CCBE1: variants seen among roughly 807,000 people sequenced by gnomAD.
CCBE1 encodes collagen and calcium binding EGF domains 1.
A neutral mutation model predicts 50.0 loss-of-function variants in CCBE1; 37 were observed. That is an observed-to-expected ratio of 0.74 (90% CI 0.57 to 0.97). CCBE1 has a LOEUF of 0.97. Ranked by LOEUF, CCBE1 falls within the 50% of genes least tolerant of loss-of-function variation. CCBE1 has a pLI of 0.00. For synonymous variants in CCBE1, 234 were observed against 203.7 expected, an observed-to-expected ratio of 1.15 and a Z score of -1.27; for missense variants, 538 against 523.8, an observed-to-expected ratio of 1.03 and a Z score of -0.26.
intron 2 of CCBE1, among the ~76,000 whole-genome samples, chr18:59,570,107 A>T (rs1342010941): frequency 6.6e-6 from 1 of 152,240 alleles, no homozygotes; most frequent in African/African-American, 2.4e-5. Context: ...ATTGTTTTAG[A>T]TGTGGTGAGA....
intron 2 of CCBE1, among the ~76,000 whole-genome samples, chr18:59,552,211 A>C (rs1915954012): frequency 6.6e-6 from 1 of 152,218 alleles, no homozygotes; most frequent in African/African-American, 2.4e-5. Flanking sequence ...CCTGGACCTC[A>C]CACAACATCG....
chr18:59,678,216 G>T (rs1173549289), intron 2 of CCBE1, among the ~76,000 whole-genome samples: 1 of 152,200 alleles, frequency 6.6e-6, no homozygotes, highest in South Asian at 2.1e-4. Context: ...GTTTCTTACA[G>T]CGATGGAGGC....
At chr18:59,611,758 A>G (rs2053572087) in intron 2 of CCBE1, among the ~76,000 whole-genome samples, 1 of 151,088 alleles carries the variant, frequency 6.6e-6, no homozygotes, top group South Asian at 2.1e-4. Flanking sequence ...AAAAAAAAAT[A>G]AAAAAAGGAA....
At chr18:59,446,309 T>C (rs969930645) in intron 7 of CCBE1, among the ~76,000 whole-genome samples, 1 of 152,204 alleles carries the variant, frequency 6.6e-6, no homozygotes, top group African/African-American at 2.4e-5. Flanking sequence ...TAGTGATCTA[T>C]AGCCTGGAGT....
At chr18:59,561,799 C>T (rs1568207355) in intron 2 of CCBE1, among the ~76,000 whole-genome samples, 1 of 152,168 alleles carries the variant, frequency 6.6e-6, no homozygotes, top group Non-Finnish European at 1.5e-5. Context: ...CAAGGGAGAG[C>T]CGGCTGTGCA....
At chr18:59,639,822 A>G (rs1032717423) in intron 2 of CCBE1, among the ~76,000 whole-genome samples, 2 of 152,222 alleles carry the variant, frequency 1.3e-5, no homozygotes, top group African/African-American at 4.8e-5. Flanking sequence ...ATGTATGAAA[A>G]TCAGTAGCGT....
chr18:59,600,985 G>T (rs1209365799), intron 2 of CCBE1, among the ~76,000 whole-genome samples: 1 of 132,748 alleles, frequency 7.5e-6, no homozygotes, highest in Non-Finnish European at 1.6e-5. Context: ...TATGGATAGG[G>T]ATCTATTTTA....
chr18:59,545,883 TG>T (rs1261126017), intron 2 of CCBE1, among the ~76,000 whole-genome samples: 1 of 152,266 alleles, frequency 6.6e-6, no homozygotes, highest in Non-Finnish European at 1.5e-5. Context: ...CCCAGCCATG[TG>T]GAACTGTAAG....
intron 2 of CCBE1, among the ~76,000 whole-genome samples, chr18:59,518,346 G>A (rs117301396): frequency 8.0e-4 from 122 of 152,216 alleles, no homozygotes; most frequent in Non-Finnish European, 1.5e-3. Flanking sequence ...AAAATTAGCC[G>A]GGTGTGACGA....
At chr18:59,633,380 G>C (rs1001125159) in intron 2 of CCBE1, among the ~76,000 whole-genome samples, 6 of 152,184 alleles carry the variant, frequency 3.9e-5, no homozygotes, top group African/African-American at 1.4e-4. Flanking sequence ...ACTGCTCTGA[G>C]AATCACTGCA....
intron 2 of CCBE1, among the ~76,000 whole-genome samples, chr18:59,506,091 T>C (rs1014264522): frequency 6.6e-6 from 1 of 152,124 alleles, no homozygotes; most frequent in African/African-American, 2.4e-5. Flanking sequence ...AAGATGTAAA[T>C]AAGAATTGGG....
intron 2 of CCBE1, among the ~76,000 whole-genome samples, chr18:59,609,261 G>A (rs2053541239): frequency 6.6e-6 from 1 of 152,120 alleles, no homozygotes; most frequent in Admixed American, 6.5e-5. Flanking sequence ...ATATTCCAGT[G>A]ACTCTCAAAA....
chr18:59,568,920 C>T (rs532996960), intron 2 of CCBE1, among the ~76,000 whole-genome samples: 2 of 152,330 alleles, frequency 1.3e-5, no homozygotes, highest in Non-Finnish European at 1.5e-5. Flanking sequence ...ATCTTGCCAA[C>T]TAAACCTCCC....
At chr18:59,625,471 A>T (rs987605076) in intron 2 of CCBE1, among the ~76,000 whole-genome samples, 3 of 150,594 alleles carry the variant, frequency 2.0e-5, no homozygotes, top group Non-Finnish European at 4.4e-5. Flanking sequence ...CCATATACTG[A>T]TGCTTGCAGG....
At chr18:59,443,160 T>TA (rs1273905646) in intron 7 of CCBE1, among the ~76,000 whole-genome samples, 1 of 152,232 alleles carries the variant, frequency 6.6e-6, no homozygotes, top group African/African-American at 2.4e-5. Flanking sequence ...AAGAGACCTT[T>TA]AGGCATCATC....
At chr18:59,454,065 A>T (rs1373780595) in intron 6 of CCBE1, among the ~76,000 whole-genome samples, 3 of 152,208 alleles carry the variant, frequency 2.0e-5, no homozygotes, top group African/African-American at 7.2e-5. Context: ...CATAGACTAT[A>T]ATTTTCAAAA....
intron 2 of CCBE1, among the ~76,000 whole-genome samples, chr18:59,638,067 A>T (rs149893616): frequency 6.6e-6 from 1 of 152,210 alleles, no homozygotes; most frequent in Non-Finnish European, 1.5e-5. Context: ...ACATAGATAT[A>T]AAATATCGGA....
chr18:59,469,524 A>G lies in CCBE1; in HGVS notation c.349T>C (p.Tyr117His). The G allele has an allele frequency of 1.2e-6, 2 of 1,614,208 alleles. No homozygotes were observed. The highest frequency in any genetic ancestry group is 2.2e-5 in the South Asian group (2 of 91,082). Residue 117 changes from tyrosine to histidine, a missense_variant, in exon 4 of 11, where the codon TAC (tyrosine) becomes CAC (histidine). Transcript: ENST00000439986. ...GRVLCTCYPG[Y>H]RYDRERHRKR... ...CGGTGTCTCTCCCGGTCATATCGGTATCCCGGATAACAAGTACACAGCACT... is the reference window on the plus strand; with the variant it reads ...CGGTGTCTCTCCCGGTCATATCGGTGTCCCGGATAACAAGTACACAGCACT...
chr18:59,520,287 T>C (rs1385175046), intron 2 of CCBE1, among the ~76,000 whole-genome samples: 1 of 152,244 alleles, frequency 6.6e-6, no homozygotes, highest in African/African-American at 2.4e-5. Flanking sequence ...TTCATGATAT[T>C]GATTCTTCCT....
Sources: gnomAD v4.1 joint callset for allele counts (sites outside exome capture counted in the v4.1 genomes callset) on GRCh38, gnomAD v4.1.1 for gene constraint, MANE v1.5 for transcripts, NCBI Gene and HGNC (gene_info 2026-07-23, HGNC 2026-07-21) for gene names.